Variants in CCDC91 observed in about 807,000 individuals in gnomAD.
CCDC91 encodes the protein coiled-coil domain-containing protein 91.
A neutral mutation model predicts 63.2 loss-of-function variants in CCDC91; 48 were observed. That is an observed-to-expected ratio of 0.76 (90% CI 0.60 to 0.97). The LOEUF is 0.97. CCDC91 is among the 50% of genes least tolerant of loss of function. The probability of loss-of-function intolerance (pLI) is 0.00; values close to 1 mark genes in which losing one functional copy is unlikely to be tolerated. For synonymous variants in CCDC91, 167 were observed against 165.8 expected (o/e 1.01, Z -0.06); for missense variants, 500 against 494.6 (o/e 1.01, Z -0.10).
chr12:28,522,638 C>T (rs1040112990), intron 12 of CCDC91, among the ~76,000 whole-genome samples: 1 of 152,100 alleles, frequency 6.6e-6, no homozygotes, highest in African/African-American at 2.4e-5. Context: ...TTTGCTCTTG[C>T]TTCTCTAGTT....
chr12:28,479,624 A>AT (rs1488369558), intron 11 of CCDC91, among the ~76,000 whole-genome samples: 1 of 151,838 alleles, frequency 6.6e-6, no homozygotes, highest in South Asian at 2.1e-4. Context: ...AAAAATATAT[A>AT]AAAAAAATAA....
intron 12 of CCDC91, among the ~76,000 whole-genome samples, chr12:28,539,202 A>G (rs1421972370): frequency 6.6e-6 from 1 of 152,098 alleles, no homozygotes; most frequent in African/African-American, 2.4e-5. Flanking sequence ...CCTGAATGGT[A>G]TTGCCTAGGT....
intron 1 of CCDC91, among the ~76,000 whole-genome samples, chr12:28,193,357 C>T (rs1941435712): frequency 6.6e-6 from 1 of 152,154 alleles, no homozygotes. Flanking sequence ...AATCCCAGCA[C>T]TTTGGGAGGC....
At chr12:28,388,912 T>G (rs1424637742) in intron 7 of CCDC91, among the ~76,000 whole-genome samples, 1 of 152,110 alleles carries the variant, frequency 6.6e-6, no homozygotes, top group East Asian at 1.9e-4. Context: ...TTCTGAAAGA[T>G]AACATTGAAG....
intron 6 of CCDC91, among the ~76,000 whole-genome samples, chr12:28,357,898 A>G (rs749592110): frequency 6.6e-6 from 1 of 152,166 alleles, no homozygotes; most frequent in African/African-American, 2.4e-5. Context: ...GAAAGTTATT[A>G]TTGTGGTCAA....
At chr12:28,306,378 G>A (rs1938729353) in intron 4 of CCDC91, among the ~76,000 whole-genome samples, 1 of 151,974 alleles carries the variant, frequency 6.6e-6, no homozygotes, top group African/African-American at 2.4e-5. Flanking sequence ...TTGATTTACA[G>A]TTTAAAATAT....
At chr12:28,253,736 A>G (rs562109974) in intron 1 of CCDC91, among the ~76,000 whole-genome samples, 3 of 152,192 alleles carry the variant, frequency 2.0e-5, no homozygotes, top group Non-Finnish European at 4.4e-5. Flanking sequence ...TTACAGGGAT[A>G]CCTTTCCGTA....
At chr12:28,337,545 T>A (rs1275690899) in intron 6 of CCDC91, among the ~76,000 whole-genome samples, 1 of 151,970 alleles carries the variant, frequency 6.6e-6, no homozygotes, top group East Asian at 1.9e-4. Context: ...TTTTTTTTTC[T>A]TTAAAGTTAC....
At chr12:28,533,838 G>C (rs1243256780) in intron 12 of CCDC91, among the ~76,000 whole-genome samples, 2 of 150,868 alleles carry the variant, frequency 1.3e-5, no homozygotes, top group Non-Finnish European at 3.0e-5. Flanking sequence ...TGTTTCCATA[G>C]CCTTTCCACT....
At chr12:28,271,683 T>C (rs1389073216) in intron 3 of CCDC91, among the ~76,000 whole-genome samples, 3 of 151,884 alleles carry the variant, frequency 2.0e-5, no homozygotes, top group Non-Finnish European at 4.4e-5. Context: ...CTTTCCGTAG[T>C]ATCCCTGGAA....
chr12:28,268,068 A>G (rs1002372826), intron 3 of CCDC91, among the ~76,000 whole-genome samples: 2 of 144,648 alleles, frequency 1.4e-5, no homozygotes, highest in African/African-American at 5.2e-5. Flanking sequence ...AATAATTAAT[A>G]ATAATAACTT....
At chr12:28,448,479 T>A (rs537764066) in intron 8 of CCDC91, among the ~76,000 whole-genome samples, 1 of 152,324 alleles carries the variant, frequency 6.6e-6, no homozygotes, top group South Asian at 2.1e-4. Flanking sequence ...TCTTCTGTTG[T>A]AGGATACTGT....
At chr12:28,448,396 A>G (rs1041268468) in intron 8 of CCDC91, among the ~76,000 whole-genome samples, 4 of 152,198 alleles carry the variant, frequency 2.6e-5, no homozygotes, top group East Asian at 1.9e-4. Flanking sequence ...TACTTAGGAT[A>G]TATTTTATGT....
At chr12:28,510,236 C>CGTGTGTGTGTGTTTGTGTGTGT (rs567113847) in intron 12 of CCDC91, among the ~76,000 whole-genome samples, 1 of 135,944 alleles carries the variant, frequency 7.4e-6, no homozygotes, top group Non-Finnish European at 1.5e-5. Flanking sequence ...GTCAATAGGG[C>CGTGTGTGTGTGTTTGTGTGTGT]ATGTGTGTGT....
At chr12:28,268,668 G>A in intron 3 of CCDC91, 3 of 985,206 alleles carry the variant, frequency 3.0e-6, no homozygotes, top group Non-Finnish European at 3.6e-6. Context: ...TTCAGAGCAA[G>A]CCCCGTGTCT....
chr12:28,291,684 A>G (rs1212818745), intron 3 of CCDC91, among the ~76,000 whole-genome samples: 1 of 152,198 alleles, frequency 6.6e-6, no homozygotes, highest in East Asian at 1.9e-4. Flanking sequence ...CTGATTGAGA[A>G]ATGATTCATT....
intron 8 of CCDC91, among the ~76,000 whole-genome samples, chr12:28,443,531 A>T (rs1248056559): frequency 6.6e-6 from 1 of 152,068 alleles, no homozygotes; most frequent in Admixed American, 6.5e-5. Flanking sequence ...GAGCCTCTAG[A>T]GGGTAAACTT....
intron 7 of CCDC91, among the ~76,000 whole-genome samples, chr12:28,365,413 C>A (rs1439588106): frequency 6.6e-6 from 1 of 152,106 alleles, no homozygotes; most frequent in Non-Finnish European, 1.5e-5. Flanking sequence ...TTTAGAAAAA[C>A]AGCTAAGCAC....
chr12:28,547,071 AC>A (rs1943041440), intron 12 of CCDC91, among the ~76,000 whole-genome samples: 1 of 152,082 alleles, frequency 6.6e-6, no homozygotes, highest in African/African-American at 2.4e-5. Flanking sequence ...GATTGTGTGG[AC>A]CCTCTCAAAC....
Sources: gnomAD v4.1 joint callset for allele counts (sites outside exome capture counted in the v4.1 genomes callset) on GRCh38, gnomAD v4.1.1 for gene constraint, MANE v1.5 for transcripts, NCBI Gene and HGNC (gene_info 2026-07-23, HGNC 2026-07-21) for gene names.